PRSS41: variants seen among roughly 807,000 people sequenced by gnomAD.
PRSS41 encodes serine protease 41.
Under a neutral mutation model 28.8 loss-of-function variants are expected in PRSS41, and 37 were observed. That is an observed-to-expected ratio of 1.29 (90% CI 0.99 to 1.69). The LOEUF is 1.69. Ranked by LOEUF, PRSS41 falls within the 40% of genes most tolerant of loss-of-function variation. The pLI, the probability that PRSS41 is intolerant of heterozygous loss-of-function variation, is 0.00. For missense variants in PRSS41, 431 were observed against 400.7 expected (o/e 1.08, Z -0.65); for synonymous variants, 195 against 163.1 (o/e 1.20, Z -1.49).
chr16:2,805,128 C>T (rs1388265724), exon 6 of PRSS41: 1 of 1,549,838 alleles, frequency 6.5e-7, no homozygotes, highest in African/African-American at 1.4e-5. Flanking sequence ...CTGTGGGCTC[C>T]CTGACTCCTG....
chr16:2,803,141 T>A (rs1190082206), intron 4 of PRSS41, among the ~76,000 whole-genome samples: 1 of 152,242 alleles, frequency 6.6e-6, no homozygotes, highest in Non-Finnish European at 1.5e-5. Flanking sequence ...CCCTTTACAT[T>A]AAGAGTAATT....
At chr16:2,800,084 G>C (rs1328196418) in intron 4 of PRSS41, among the ~76,000 whole-genome samples, 1 of 152,204 alleles carries the variant, frequency 6.6e-6, no homozygotes, top group African/African-American at 2.4e-5. Flanking sequence ...CCAGATGGCA[G>C]AGCCTGCTAC....
chr16:2,798,579 G>A, intron 1 of PRSS41, 31 bp downstream of exon 1: 4 of 1,526,490 alleles, frequency 2.6e-6, no homozygotes, highest in Non-Finnish European at 1.8e-6. Context: ...GCGGGACCGG[G>A]GGCAGCGAGG....
In PRSS41 at chr16:2,799,385, G is replaced by C. The variant is rs893233192; in HGVS notation, c.357G>C (p.Gln119His). Reference sequence around the variant, plus strand: ...CCTACAGCAGTCGTTACAAAGTGCAGGACATCATTGTGAACCCTGACGCAC... The same window carrying C: ...CCTACAGCAGTCGTTACAAAGTGCACGACATCATTGTGAACCCTGACGCAC... The change falls in exon 4 of 6, where the codon CAG becomes CAC. Residue 119 changes from glutamine (Q) to histidine (H), a missense_variant. Gln to His is a conservative substitution (Grantham distance 24, BLOSUM62 0). Transcript: ENST00000399677. 3 of 1,551,920 alleles carry C rather than the reference G, an allele frequency of 1.9e-6. No homozygotes were observed. In the African/African-American group the frequency reaches 4.1e-5, roughly 21 times the overall value.
At chr16:2,798,755 C>A in intron 2 of PRSS41, 93 bp downstream of exon 2, 2 of 1,278,864 alleles carry the variant, frequency 1.6e-6, no homozygotes, top group Non-Finnish European at 2.1e-6. Context: ...GTCCCGAGAA[C>A]GTGATGCTCT....
At chr16:2,798,847 C>A in intron 2 of PRSS41, 112 bp from the exon 3 acceptor site, 1 of 1,298,564 alleles carries the variant, frequency 7.7e-7, no homozygotes, top group Non-Finnish European at 1.0e-6. Flanking sequence ...TCTTGGCGCG[C>A]GGTTCCCCGG....
In PRSS41 at chr16:2,804,853, C is replaced by T. The variant is rs555737191; in HGVS notation, c.700-61C>T. 16 of 1,315,018 alleles carry T rather than the reference C, an allele frequency of 1.2e-5. No individual in the cohort carries two copies. The African/African-American group carries it at 2.2e-4, about 18-fold the overall frequency. The allele number at this position is 1,315,018 out of a possible 1,614,324, so 81.5% of individuals were successfully genotyped here. A position where few individuals can be genotyped will look rare whatever the true frequency, so the allele number is the denominator to read the frequency against. On this transcript the variant is annotated intron_variant, in intron 5 of 5. Coordinates refer to ENST00000399677, the Ensembl canonical transcript of PRSS41. ...CTAGCCCCACAGCCCCTCCTGCTCT[C>T]ATGGCCTCTGCTGCCCCACCCACTC...
At position 2,799,032 on chromosome 16, in the gene PRSS41, G is replaced by A; in HGVS notation, c.165G>A (p.Trp55Ter). ...AGTCCGCGCGCGGGCGCTGGCCATG[G>A]CAGGCCAGCCTGCGCCTGAGGAGAC... Residue 55 changes from tryptophan to a stop codon, truncating the protein, a stop_gained, in exon 3 of 6, where the codon TGG becomes TGA. Coordinates refer to ENST00000399677, the Ensembl canonical transcript of PRSS41. LOFTEE classifies it high-confidence loss of function. 1 of 1,532,932 alleles carries A rather than the reference G, an allele frequency of 6.5e-7. No homozygotes were observed. The highest frequency in any genetic ancestry group is 8.7e-7 in the Non-Finnish European group (1 of 1,145,690). 95.0% of individuals were successfully genotyped at this position (1,532,932 alleles called of 1,614,324 possible). A position where few individuals can be genotyped will look rare whatever the true frequency, so the allele number is the denominator to read the frequency against.
chr16:2,801,839 C>A (rs897314885), intron 4 of PRSS41, among the ~76,000 whole-genome samples: 7 of 152,270 alleles, frequency 4.6e-5, no homozygotes, highest in Non-Finnish European at 7.3e-5. Context: ...ATGGCCTGTT[C>A]TCAATGAGCT....
intron 4 of PRSS41, among the ~76,000 whole-genome samples, chr16:2,801,870 G>C (rs1311436017): frequency 2.0e-5 from 3 of 152,108 alleles, no homozygotes; most frequent in Non-Finnish European, 2.9e-5. Context: ...CCTCCCAGAC[G>C]GGGTGGTGGC....
At position 2,799,133 on chromosome 16, in the gene PRSS41, G is replaced by C. The variant is rs187729803; in HGVS notation, c.257+9G>C. 2 of 1,513,482 alleles carry C rather than the reference G, an allele frequency of 1.3e-6. No individual in the cohort carries two copies. Among genetic ancestry groups the C allele is most frequent in the African/African-American group, 1.4e-5 (1 of 72,080 alleles). The allele number at this position is 1,513,482 out of a possible 1,614,324, so 93.8% of individuals were successfully genotyped here. On this transcript the variant is annotated intron_variant, in intron 3 of 5. Transcript: ENST00000399677. The stretch of plus-strand genomic sequence containing the variant: ...GCGCACTGCTTCCAAAAGTGAGTCT[G>C]GGGGGCGGCCGGGGCCTCAGACTTG...
Position 2,798,504 on chromosome 16 carries a change from TGCTGCTGG to T in PRSS41, c.21_28del (p.Leu8AlafsTer116). On this transcript the variant is annotated frameshift_variant, in exon 1 of 6. Coordinates refer to ENST00000399677, the Ensembl canonical transcript of PRSS41. LOFTEE classifies it high-confidence loss of function. Reference sequence around the variant, plus strand: ...GAGGCCATGGGCGCGCGCGGGGCGCTGCTGCTGGCGCTGCTGCTGGCTCGGGCTGGACT... The same window carrying T: ...GAGGCCATGGGCGCGCGCGGGGCGCTCGCTGCTGCTGGCTCGGGCTGGACT... The T allele has an allele frequency of 1.5e-6, 2 of 1,308,580 alleles. No homozygotes were observed. The highest frequency in any genetic ancestry group is 4.3e-5 in the Admixed American group (2 of 46,272). The allele number at this position is 1,308,580 out of a possible 1,614,324, so 81.1% of individuals were successfully genotyped here. A position where few individuals can be genotyped will look rare whatever the true frequency, so the allele number is the denominator to read the frequency against.
At chr16:2,804,334 C>T in intron 4 of PRSS41, 55 bp from the exon 5 acceptor site, 1 of 1,532,488 alleles carries the variant, frequency 6.5e-7, no homozygotes, top group East Asian at 2.5e-5. Flanking sequence ...CCTCTCCCTG[C>T]TCCAGATAGC....
At chr16:2,798,856 G>A (rs1233314055) in intron 2 of PRSS41, 103 bp from the exon 3 acceptor site, 10 of 1,341,386 alleles carry the variant, frequency 7.5e-6, no homozygotes, top group Non-Finnish European at 2.9e-6. Context: ...GCGGTTCCCC[G>A]GGGAGCCCCC....
chr16:2,804,264 G>C, intron 4 of PRSS41, 125 bp from the exon 5 acceptor site: 1 of 962,768 alleles, frequency 1.0e-6, no homozygotes, highest in Non-Finnish European at 1.5e-6. Flanking sequence ...CAAGAGCAAT[G>C]CTGGGTGTTG....
exon 6 of PRSS41, chr16:2,805,240 T>C: frequency 1.2e-6 from 1 of 815,580 alleles, no homozygotes; most frequent in South Asian, 1.7e-5. Context: ...GGGTTGGGAC[T>C]GCCTGCTGGA....
chr16:2,799,264 G>A lies in PRSS41; in HGVS notation c.258-22G>A, dbSNP rs1024300370. The A allele has an allele frequency of 1.7e-5, 26 of 1,549,552 alleles. No homozygotes were observed. The East Asian group carries it at 1.7e-4, about 10-fold the overall frequency. On this transcript the variant is annotated intron_variant, in intron 3 of 5. Coordinates refer to ENST00000399677, the Ensembl canonical transcript of PRSS41. The stretch of plus-strand genomic sequence containing the variant: ...CCAGCCCCCTATTCCAAGGCTCCCC[G>A]CCCTCTCTCCTTTTCTGCTAGGCAC...
intron 4 of PRSS41, among the ~76,000 whole-genome samples, chr16:2,802,860 G>C (rs958957005): frequency 6.7e-6 from 1 of 150,078 alleles, no homozygotes; most frequent in East Asian, 2.0e-4. Context: ...GGGAGACCGT[G>C]GGGAGAGGGA....
At chr16:2,799,423 G>A (rs752512780) in exon 4 of PRSS41, 90 of 1,552,032 alleles carry the variant, frequency 5.8e-5, no homozygotes, top group Non-Finnish European at 7.1e-5. Flanking sequence ...GGGGTTTTAC[G>A]CAATGACATT....
Sources: allele counts gnomAD v4.1 joint callset (sites outside exome capture counted in the v4.1 genomes callset), GRCh38; gene constraint gnomAD v4.1.1; transcripts MANE v1.5; gene names NCBI Gene and HGNC (gene_info 2026-07-23, HGNC 2026-07-21).